TGFBR2: variants seen among roughly 807,000 people sequenced by gnomAD.
TGFBR2 encodes transforming growth factor beta receptor 2, also known as TGF-beta receptor type-2.
A neutral mutation model predicts 49.0 loss-of-function variants in TGFBR2; 18 were observed. The observed-to-expected ratio is 0.37, with a 90% CI of 0.25 to 0.54. TGFBR2 has a LOEUF of 0.54. TGFBR2 is among the 20% of genes least tolerant of loss of function. The pLI is 0.85. For missense variants in TGFBR2, 525 were observed against 722.6 expected, an observed-to-expected ratio of 0.73 and a Z score of 3.13; for synonymous variants, 282 against 275.9, an observed-to-expected ratio of 1.02 and a Z score of -0.22.
chr3:30,611,455 G>T (rs1698027633), intron 1 of TGFBR2, among the ~76,000 whole-genome samples: 1 of 152,176 alleles, frequency 6.6e-6, no homozygotes, highest in Non-Finnish European at 1.5e-5. Flanking sequence ...AAACATGATG[G>T]AAAGCTGCTA....
At chr3:30,628,113 T>C (rs1430446402) in intron 1 of TGFBR2, among the ~76,000 whole-genome samples, 2 of 18,224 alleles carry the variant, frequency 1.1e-4, no homozygotes, top group Non-Finnish European at 1.8e-4. Flanking sequence ...CAGCCAGGCC[T>C]TTTTTTTTTT....
chr3:30,692,365 C>T lies in TGFBR2; in HGVS notation c.*766C>T, dbSNP rs925082009. On this transcript the variant is annotated 3_prime_UTR_variant, in exon 7 of 7. Coordinates refer to ENST00000295754, the MANE Select transcript of TGFBR2 (RefSeq NM_003242.6). ...ACTCTCCCTCAACCTAGTTTAGAAA[C>T]TCTACCCCATCTTTAATACCTTGAA... The T allele has an allele frequency of 8.7e-6, 2 of 230,678 alleles. No homozygotes were observed. Among genetic ancestry groups the T allele is most frequent in the East Asian group, 6.1e-5 (1 of 16,394 alleles). 14.3% of individuals were successfully genotyped at this position (230,678 alleles called of 1,614,324 possible). A position where few individuals can be genotyped will look rare whatever the true frequency, so the allele number is the denominator to read the frequency against.
intron 1 of TGFBR2, among the ~76,000 whole-genome samples, chr3:30,620,728 C>G (rs1698214123): frequency 1.3e-5 from 2 of 152,068 alleles, no homozygotes; most frequent in South Asian, 4.1e-4. Context: ...TCACGCAGGA[C>G]AATTTTTTGT....
At chr3:30,651,542 A>G (rs980158269) in intron 3 of TGFBR2, among the ~76,000 whole-genome samples, 1 of 152,258 alleles carries the variant, frequency 6.6e-6, no homozygotes, top group African/African-American at 2.4e-5. Flanking sequence ...ACACATAGAT[A>G]TACTGTACAT....
intron 3 of TGFBR2, among the ~76,000 whole-genome samples, chr3:30,666,005 G>C (rs918972412): frequency 6.6e-6 from 1 of 152,118 alleles, no homozygotes; most frequent in Non-Finnish European, 1.5e-5. Context: ...AATGGTGAGC[G>C]TAAGTCACAT....
chr3:30,659,931 T>C (rs907481236), intron 3 of TGFBR2, among the ~76,000 whole-genome samples: 2 of 152,048 alleles, frequency 1.3e-5, no homozygotes, highest in Admixed American at 6.6e-5. Flanking sequence ...TGAAATTGAC[T>C]TTTATTTCCA....
intron 2 of TGFBR2, among the ~76,000 whole-genome samples, chr3:30,646,262 C>T (rs1218869751): frequency 1.3e-5 from 2 of 152,102 alleles, no homozygotes; most frequent in Non-Finnish European, 2.9e-5. Context: ...GGAATGTTAA[C>T]AGCAAAGACT....
intron 3 of TGFBR2, among the ~76,000 whole-genome samples, chr3:30,671,228 T>A (rs1263615682): frequency 6.6e-6 from 1 of 152,048 alleles, no homozygotes; most frequent in East Asian, 1.9e-4. Context: ...CAGCATGGAG[T>A]TCCCTGTCCG....
chr3:30,621,278 CTTTTTTTT>C (rs10688941), intron 1 of TGFBR2, among the ~76,000 whole-genome samples: 1 of 116,312 alleles, frequency 8.6e-6, no homozygotes, highest in African/African-American at 3.3e-5. Context: ...TTTTAATATT[CTTTTTTTT>C]TTTTTTTTTT....
At chr3:30,642,302 G>T (rs1374630311) in intron 1 of TGFBR2, among the ~76,000 whole-genome samples, 2 of 151,892 alleles carry the variant, frequency 1.3e-5, no homozygotes, top group African/African-American at 4.8e-5. Flanking sequence ...GTTTGTGGTG[G>T]TGGGGTGGGA....
chr3:30,646,903 A>G lies in TGFBR2; in HGVS notation c.263+1988A>G, dbSNP rs149266502. 9.2e-3 allele frequency among the ~76,000 whole-genome samples: 1,404 copies of G among 152,352 alleles called. 13 individuals are homozygous for G. The highest frequency in any genetic ancestry group is 0.012 in the Non-Finnish European group (825 of 68,024). On this transcript the variant is annotated intron_variant, in intron 2 of 6. Coordinates refer to ENST00000295754, the MANE Select transcript of TGFBR2 (RefSeq NM_003242.6). Reference sequence around the variant, plus strand: ...TAGAATAGAGGCTTTGCTAGCCTCAAAAAAATGTGAGCATGTCGAAGAGAG... The same window carrying G: ...TAGAATAGAGGCTTTGCTAGCCTCAGAAAAATGTGAGCATGTCGAAGAGAG...
intron 1 of TGFBR2, among the ~76,000 whole-genome samples, chr3:30,640,752 A>G (rs1001257029): frequency 4.6e-5 from 7 of 152,186 alleles, no homozygotes; most frequent in African/African-American, 1.7e-4. Context: ...ATATAAGAAT[A>G]TCTTAACTAG....
intron 1 of TGFBR2, among the ~76,000 whole-genome samples, chr3:30,616,444 T>C (rs1358338885): frequency 1.3e-5 from 2 of 152,206 alleles, no homozygotes; most frequent in Non-Finnish European, 2.9e-5. Flanking sequence ...TAGTTTGAGA[T>C]TAGAAGGACT....
At chr3:30,641,906 C>T (rs769189814) in intron 1 of TGFBR2, among the ~76,000 whole-genome samples, 1 of 151,830 alleles carries the variant, frequency 6.6e-6, no homozygotes, top group African/African-American at 2.4e-5. Flanking sequence ...TCCCTTCCTC[C>T]CTTCCTTCCT....
intron 1 of TGFBR2, among the ~76,000 whole-genome samples, chr3:30,642,441 C>A (rs1200188449): frequency 1.9e-4 from 29 of 152,144 alleles, no homozygotes; most frequent in Admixed American, 1.9e-3. Context: ...GCCTCAGTTA[C>A]CTTCCAGAAA....
At chr3:30,652,578 T>C (rs1341974715) in intron 3 of TGFBR2, among the ~76,000 whole-genome samples, 5 of 152,150 alleles carry the variant, frequency 3.3e-5, no homozygotes, top group Non-Finnish European at 7.3e-5. Flanking sequence ...ATCTAAATAG[T>C]TTAATCACAT....
chr3:30,671,694 A>G lies in TGFBR2; in HGVS notation c.511A>G (p.Ser171Gly), dbSNP rs767581059. Residue 171 changes from serine to glycine, a missense_variant, in exon 4 of 7, where the codon AGC becomes GGC. Physicochemically the swap from Ser to Gly is moderately conservative, Grantham distance 56. This residue lies in a region of TGFBR2 where 376 missense variants were observed against 478.2 expected (regional missense o/e 0.79). Transcript: ENST00000295754. ...LLVIFQVTGISLLPPLGVAIS... is the reference protein window; with the variant it reads ...LLVIFQVTGIGLLPPLGVAIS... Reference sequence around the variant, plus strand: ...AGTCATATTTCAAGTGACAGGCATCAGCCTCCTGCCACCACTGGGAGTTGC... The same window carrying G: ...AGTCATATTTCAAGTGACAGGCATCGGCCTCCTGCCACCACTGGGAGTTGC... 10 of 1,614,230 alleles carry G rather than the reference A, an allele frequency of 6.2e-6. No homozygotes were observed. The Admixed American group carries it at 1.7e-4, about 27-fold the overall frequency.
chr3:30,681,774 A>G (rs1033707009), intron 5 of TGFBR2, among the ~76,000 whole-genome samples: 8 of 152,172 alleles, frequency 5.3e-5, no homozygotes, highest in African/African-American at 1.9e-4. Flanking sequence ...GGTTTGATGA[A>G]CTAATTCTGC....
At chr3:30,660,224 A>G (rs371904882) in intron 3 of TGFBR2, among the ~76,000 whole-genome samples, 5 of 152,192 alleles carry the variant, frequency 3.3e-5, no homozygotes, top group Admixed American at 1.3e-4. Context: ...TCTGAAATGT[A>G]GTCATTAAAA....
Sources: allele counts gnomAD v4.1 joint callset (sites outside exome capture counted in the v4.1 genomes callset), GRCh38; gene constraint gnomAD v4.1.1; regional missense constraint gnomAD v4.1.1; transcripts MANE v1.5; gene names NCBI Gene and HGNC (gene_info 2026-07-23, HGNC 2026-07-21).